MAGI2: variants seen among roughly 807,000 people sequenced by gnomAD.
MAGI2 encodes membrane-associated guanylate kinase, WW and PDZ domain-containing protein 2.
A neutral mutation model predicts 133.3 loss-of-function variants in MAGI2; 35 were observed. The observed-to-expected ratio is 0.26, with a 90% CI of 0.20 to 0.35. The LOEUF is 0.35. Ranked by LOEUF, MAGI2 falls within the 10% of genes least tolerant of loss-of-function variation. The probability of loss-of-function intolerance (pLI) is 1.00; values close to 1 mark genes in which losing one functional copy is unlikely to be tolerated. For synonymous variants in MAGI2, 729 were observed against 710.6 expected (o/e 1.03, Z -0.41); for missense variants, 1,636 against 1,863.4 (o/e 0.88, Z 2.25).
intron 1 of MAGI2, among the ~76,000 whole-genome samples, chr7:79,131,849 G>A (rs16886433): frequency 5.3e-4 from 80 of 151,678 alleles, no homozygotes; most frequent in Middle Eastern, 6.8e-3. Flanking sequence ...TCAATGTTTC[G>A]CAAATTTGAA....
At chr7:78,072,608 G>A (rs1814829203) in intron 21 of MAGI2, 1 of 264,318 alleles carries the variant, frequency 3.8e-6, no homozygotes, top group Non-Finnish European at 7.1e-6. Flanking sequence ...TATCATTAGA[G>A]GGAAGAAAGG....
intron 2 of MAGI2, among the ~76,000 whole-genome samples, chr7:78,918,013 T>A (rs907655668): frequency 6.6e-6 from 1 of 152,106 alleles, no homozygotes; most frequent in Admixed American, 6.6e-5. Context: ...AGAGTTTTTA[T>A]AGAGCTCAAT....
chr7:79,276,327 A>C (rs1369351271), intron 1 of MAGI2, among the ~76,000 whole-genome samples: 1 of 152,136 alleles, frequency 6.6e-6, no homozygotes, highest in East Asian at 1.9e-4. Context: ...TGTAGTAGAA[A>C]TAGCAAGAAA....
intron 2 of MAGI2, among the ~76,000 whole-genome samples, chr7:78,705,750 A>G (rs1352497474): frequency 6.6e-6 from 1 of 152,152 alleles, no homozygotes; most frequent in Non-Finnish European, 1.5e-5. Flanking sequence ...TTTTCCTATG[A>G]AAAAATAGCT....
chr7:78,326,509 C>T (rs552092879), intron 9 of MAGI2, among the ~76,000 whole-genome samples: 3 of 152,256 alleles, frequency 2.0e-5, no homozygotes, highest in Admixed American at 2.0e-4. Context: ...TCCACAGATC[C>T]CCAGGACCTG....
intron 3 of MAGI2, among the ~76,000 whole-genome samples, chr7:78,572,852 A>G (rs12668696): frequency 0.83 from 123,910 of 149,602 alleles, 51,538 homozygotes; most frequent in East Asian, 0.96. Context: ...AATAGATACA[A>G]GGTTTCCCCA....
intron 10 of MAGI2, chr7:78,251,762 A>C (rs1425931039): frequency 2.0e-5 from 3 of 152,224 alleles, no homozygotes; most frequent in Non-Finnish European, 4.4e-5. Context: ...TAAAAGGTTC[A>C]ATGTTGGCAA....
intron 20 of MAGI2, among the ~76,000 whole-genome samples, chr7:78,093,248 AG>A (rs1009223869): frequency 6.6e-6 from 1 of 151,576 alleles, no homozygotes; most frequent in Admixed American, 6.6e-5. Context: ...ATTTGAGGTC[AG>A]GAATTCATGA....
intron 10 of MAGI2, among the ~76,000 whole-genome samples, chr7:78,241,480 GC>G (rs2150907506): frequency 1.3e-5 from 2 of 152,182 alleles, no homozygotes; most frequent in South Asian, 4.2e-4. Context: ...CATTTGGGGG[GC>G]CCCCAAATTG....
intron 9 of MAGI2, among the ~76,000 whole-genome samples, chr7:78,296,734 A>T (rs1797286328): frequency 6.6e-6 from 1 of 152,184 alleles, no homozygotes. Flanking sequence ...ATGCTTGCTT[A>T]AGCATCAGAG....
chr7:78,319,245 A>G (rs1264499837), intron 9 of MAGI2, among the ~76,000 whole-genome samples: 1 of 152,250 alleles, frequency 6.6e-6, no homozygotes, highest in African/African-American at 2.4e-5. Flanking sequence ...AGACACACAT[A>G]GGCTCAAAAT....
At chr7:78,726,285 T>C (rs1208873146) in intron 2 of MAGI2, among the ~76,000 whole-genome samples, 1 of 152,196 alleles carries the variant, frequency 6.6e-6, no homozygotes, top group Non-Finnish European at 1.5e-5. Flanking sequence ...GTGTAAAACA[T>C]TTGTAAAACT....
intron 6 of MAGI2, among the ~76,000 whole-genome samples, chr7:78,482,441 T>C (rs1048925210): frequency 2.0e-5 from 3 of 152,070 alleles, no homozygotes; most frequent in African/African-American, 7.2e-5. Flanking sequence ...AAAACCTGTA[T>C]GCAAACATTC....
intron 6 of MAGI2, among the ~76,000 whole-genome samples, chr7:78,423,401 TTGCCCAG>T (rs1468788809): frequency 1.3e-5 from 2 of 152,178 alleles, no homozygotes; most frequent in Non-Finnish European, 2.9e-5. Flanking sequence ...CTTTTGTAAA[TTGCCCAG>T]TCTCAGGAAT....
At chr7:78,705,685 G>A (rs374238358) in intron 2 of MAGI2, among the ~76,000 whole-genome samples, 1 of 152,004 alleles carries the variant, frequency 6.6e-6, no homozygotes, top group East Asian at 1.9e-4. Context: ...GTGTCATGTA[G>A]GCCAATATTT....
chr7:79,436,224 CAAAAA>C (rs34732039), intron 1 of MAGI2, among the ~76,000 whole-genome samples: 1 of 92,492 alleles, frequency 1.1e-5, no homozygotes, highest in Non-Finnish European at 2.3e-5. Context: ...GACTTCACCT[CAAAAA>C]AAAAAAAAAA....
chr7:78,240,061 G>C (rs978026840), intron 10 of MAGI2, among the ~76,000 whole-genome samples: 1 of 151,900 alleles, frequency 6.6e-6, no homozygotes, highest in African/African-American at 2.4e-5. Flanking sequence ...GTGTACATGT[G>C]CCATGTTGGT....
At chr7:78,239,961 A>AT (rs144026448) in intron 10 of MAGI2, among the ~76,000 whole-genome samples, 3,695 of 151,360 alleles carry the variant, frequency 0.024, 151 homozygotes, top group African/African-American at 0.085. Flanking sequence ...TCCCATGTTT[A>AT]TTTTTTTTTC....
intron 1 of MAGI2, among the ~76,000 whole-genome samples, chr7:79,122,390 C>A (rs17151993): frequency 6.6e-6 from 1 of 151,874 alleles, no homozygotes; most frequent in South Asian, 2.1e-4. Flanking sequence ...AAAACTGTCT[C>A]GGGAAACACT....
Sources: allele counts gnomAD v4.1 joint callset (sites outside exome capture counted in the v4.1 genomes callset), GRCh38; gene constraint gnomAD v4.1.1; transcripts MANE v1.5; gene names NCBI Gene and HGNC (gene_info 2026-07-23, HGNC 2026-07-21).